CRB1: variants seen among roughly 807,000 people sequenced by gnomAD.
The protein encoded by CRB1 is protein crumbs homolog 1.
A neutral mutation model predicts 120.0 loss-of-function variants in CRB1; 83 were observed. The ratio of observed to expected loss-of-function variants is 0.69; its 90% CI spans 0.58 to 0.83. CRB1 has a LOEUF of 0.83. CRB1 is among the 40% of genes least tolerant of loss of function. The probability of loss-of-function intolerance (pLI) is 0.00; values close to 1 mark genes in which losing one functional copy is unlikely to be tolerated. For synonymous variants in CRB1, 625 were observed against 612.5 expected (o/e 1.02, Z -0.30); for missense variants, 1,699 against 1,687.6 (o/e 1.01, Z -0.12).
chr1:197,405,932 G>A (rs553137636), intron 5 of CRB1, among the ~76,000 whole-genome samples: 3 of 150,792 alleles, frequency 2.0e-5, no homozygotes, highest in Non-Finnish European at 3.0e-5. Context: ...CAGGCCAGCC[G>A]TCCCGTCCGG....
intron 5 of CRB1, among the ~76,000 whole-genome samples, chr1:197,365,010 G>A (rs756677266): frequency 6.7e-6 from 1 of 149,888 alleles, no homozygotes; most frequent in East Asian, 1.9e-4. Flanking sequence ...TTGAATTTTT[G>A]AATTTAGCAG....
chr1:197,372,616 G>C (rs1336494292), intron 5 of CRB1, among the ~76,000 whole-genome samples: 1 of 152,072 alleles, frequency 6.6e-6, no homozygotes, highest in Non-Finnish European at 1.5e-5. Context: ...GATTGAGGTT[G>C]GGCACAGTGG....
At chr1:197,319,258 C>CAAAAAAAA (rs1338233936) in intron 1 of CRB1, among the ~76,000 whole-genome samples, 2 of 20,138 alleles carry the variant, frequency 9.9e-5, no homozygotes, top group Non-Finnish European at 2.1e-4. Flanking sequence ...CCTGTCTCTA[C>CAAAAAAAA]TAAAAAAAAA....
chr1:197,477,799 C>A lies in CRB1; in HGVS notation c.4141C>A (p.Pro1381Thr), dbSNP rs1201356843. 1 of 1,613,856 alleles carries A rather than the reference C, an allele frequency of 6.2e-7. No homozygotes were observed. Among genetic ancestry groups the A allele is most frequent in the South Asian group, 1.1e-5 (1 of 91,064 alleles). The change falls in exon 12 of 12, where the codon CCC becomes ACC. Residue 1381 changes from proline (P) to threonine (T), a missense_variant. By Grantham distance (38) the Pro-to-Thr change is conservative. Coordinates refer to ENST00000367400, the MANE Select transcript of CRB1 (RefSeq NM_201253.3). The part of the protein sequence containing the change: ...NKRATQGTYS[P>T]SRQEKEGSRV... ...AAGGGCAACTCAGGGAACCTACAGCCCCAGCCGTCAGGAGAAGGAGGGCTC... is the reference window on the plus strand; with the variant it reads ...AAGGGCAACTCAGGGAACCTACAGCACCAGCCGTCAGGAGAAGGAGGGCTC...
rs1385895182 is a variant in CRB1 at position 197,434,884 on chromosome 1, A to G, written c.3021A>G (p.Arg1007=). ...EFLNISIQDS[R]LFFQLQSGNS... ...TTAATATTAGCATTCAAGATTCCAG[A>G]TTATTCTTTCAATTGCAAAGTGGCA... The change falls in exon 9 of 12, where the codon AGA becomes AGG. Residue 1007 remains arginine (R), a synonymous_variant. Transcript: ENST00000367400. The G allele has an allele frequency of 1.2e-6, 2 of 1,613,892 alleles. No individual in the cohort carries two copies. Among genetic ancestry groups the G allele is most frequent in the South Asian group, 2.2e-5 (2 of 91,084 alleles).
chr1:197,427,778 C>A lies in CRB1; in HGVS notation c.2453C>A (p.Ser818Tyr). The change falls in exon 7 of 12, where the codon TCT (serine) becomes TAT (tyrosine). Residue 818 changes from serine to tyrosine, a missense_variant. Physicochemically the swap from Ser to Tyr is moderately radical, Grantham distance 144. Coordinates refer to ENST00000367400, the MANE Select transcript of CRB1 (RefSeq NM_201253.3). Reference sequence around the variant, plus strand: ...TCTTCACAAAACCTAGGATTTATTTCTGCTTCTACGTGGAAAATCGAAAAG... The same window carrying A: ...TCTTCACAAAACCTAGGATTTATTTATGCTTCTACGTGGAAAATCGAAAAG... ...YQSSQNLGFI[S>Y]ASTWKIEKGD... 1.2e-6 allele frequency: 2 copies of A among 1,613,982 alleles called. No individual in the cohort carries two copies. The highest frequency in any genetic ancestry group is 1.1e-5 in the South Asian group (1 of 91,086).
the CRB1 span, chr1:197,222,849 C>T: frequency 2.0e-6 from 3 of 1,512,914 alleles, no homozygotes; most frequent in Non-Finnish European, 2.8e-6. Context: ...TTTATATTCA[C>T]TGGAGCTGGC....
At chr1:197,276,423 G>A (rs1056693556) in intron 1 of CRB1, among the ~76,000 whole-genome samples, 6 of 151,550 alleles carry the variant, frequency 4.0e-5, no homozygotes, top group South Asian at 2.1e-4. Context: ...ATTGAGGGCC[G>A]TAAATCTATA....
At chr1:197,252,637 T>TACACACAC in the CRB1 span, among the ~76,000 whole-genome samples, 4 of 120,686 alleles carry the variant, frequency 3.3e-5, no homozygotes, top group African/African-American at 1.2e-4. Context: ...GTGTTTATAT[T>TACACACAC]ACACACACAC....
intron 5 of CRB1, chr1:197,357,527 G>A: frequency 4.9e-6 from 1 of 205,798 alleles, no homozygotes; most frequent in East Asian, 1.2e-4. Context: ...AAATTTGCAT[G>A]TATGTTATCC....
At chr1:197,325,924 C>T (rs1316135079) in intron 1 of CRB1, among the ~76,000 whole-genome samples, 2 of 152,020 alleles carry the variant, frequency 1.3e-5, no homozygotes, top group African/African-American at 4.8e-5. Context: ...ACATTTAATT[C>T]TTGACGTTAA....
At chr1:197,296,991 C>T (rs188472992) in intron 1 of CRB1, among the ~76,000 whole-genome samples, 37 of 152,102 alleles carry the variant, frequency 2.4e-4, no homozygotes, top group African/African-American at 6.0e-4. Flanking sequence ...AGCATGAAAA[C>T]GGACTAATAC....
In CRB1 at chr1:197,426,660, G is replaced by A. The variant is rs140063223; in HGVS notation, c.2129-794G>A. Reference sequence around the variant, plus strand: ...CTCCTCTGACCACAGGAAATGCAGGGTGGGTTTAATACTCAGCTTTGCCCC... The same window carrying A: ...CTCCTCTGACCACAGGAAATGCAGGATGGGTTTAATACTCAGCTTTGCCCC... On this transcript the variant is annotated intron_variant, in intron 6 of 11. Transcript: ENST00000367400. 7.2e-4 allele frequency among the ~76,000 whole-genome samples: 110 copies of A among 152,226 alleles called. No individual in the cohort carries two copies. The East Asian group carries it at 0.02, about 27-fold the overall frequency.
chr1:197,387,508 C>T (rs1487213484), intron 5 of CRB1, among the ~76,000 whole-genome samples: 4 of 151,996 alleles, frequency 2.6e-5, no homozygotes, highest in African/African-American at 9.7e-5. Context: ...ATAGAATTCT[C>T]TAAATCTCTC....
At chr1:197,325,579 A>T (rs1054819007) in intron 1 of CRB1, among the ~76,000 whole-genome samples, 1 of 152,146 alleles carries the variant, frequency 6.6e-6, no homozygotes, top group African/African-American at 2.4e-5. Context: ...CGTTTGGAAA[A>T]TTACTCAATT....
intron 11 of CRB1, among the ~76,000 whole-genome samples, chr1:197,449,560 A>G (rs953559028): frequency 6.6e-6 from 1 of 151,474 alleles, no homozygotes; most frequent in Non-Finnish European, 1.5e-5. Context: ...TAGAGACGGG[A>G]TTTCACCGTG....
At position 197,426,852 on chromosome 1, in the gene CRB1, A is replaced by T. The variant is rs1377297516; in HGVS notation, c.2129-602A>T. 2.0e-5 allele frequency among the ~76,000 whole-genome samples: 3 copies of T among 152,316 alleles called. No homozygotes were observed. The South Asian group carries it at 6.2e-4, about 32-fold the overall frequency. On this transcript the variant is annotated intron_variant, in intron 6 of 11. Transcript: ENST00000367400. ...TGTTGTCCCAATTTATGTTATTTAC[A>T]GACTAAAAACCTGAAGTTTAGAAAG...
the CRB1 span, among the ~76,000 whole-genome samples, chr1:197,248,880 T>C: frequency 2.6e-5 from 4 of 151,946 alleles, no homozygotes; most frequent in Non-Finnish European, 5.9e-5. Context: ...TTAAAGTAGA[T>C]CATGAAACTT....
intron 11 of CRB1, 39 bp downstream of exon 11, chr1:197,442,331 G>A: frequency 6.2e-7 from 1 of 1,613,796 alleles, no homozygotes; most frequent in Non-Finnish European, 8.5e-7. Context: ...TCTTATTCTG[G>A]CAGAATCTTT....
Sources: allele counts gnomAD v4.1 joint callset (sites outside exome capture counted in the v4.1 genomes callset), GRCh38; gene constraint gnomAD v4.1.1; transcripts MANE v1.5; gene names NCBI Gene and HGNC (gene_info 2026-07-23, HGNC 2026-07-21).